FSD2: variants seen among roughly 807,000 people sequenced by gnomAD.
FSD2 encodes the protein fibronectin type III and SPRY domain-containing protein 2.
A neutral mutation model predicts 80.4 loss-of-function variants in FSD2; 71 were observed. The observed-to-expected ratio is 0.88, with a 90% confidence interval of 0.73 to 1.08. The LOEUF is 1.08. Ranked by LOEUF, FSD2 falls within the 50% of genes least tolerant of loss-of-function variation. The probability of loss-of-function intolerance (pLI) is 0.00; values close to 1 mark genes in which losing one functional copy is unlikely to be tolerated. For missense variants in FSD2, 923 were observed against 913.8 expected (o/e 1.01, Z -0.13); for synonymous variants, 361 against 329.5 (o/e 1.10, Z -1.03).
At chr15:82,768,625 G>A (rs1472804652) in intron 9 of FSD2, among the ~76,000 whole-genome samples, 2 of 137,514 alleles carry the variant, frequency 1.5e-5, no homozygotes, top group Non-Finnish European at 3.2e-5. Flanking sequence ...TGAATGAATG[G>A]GAAACCTTAC....
chr15:82,773,914 T>C lies in FSD2; in HGVS notation c.1112-1686A>G, dbSNP rs998307593. 7.0e-4 allele frequency among the ~76,000 whole-genome samples: 107 copies of C among 152,194 alleles called. 2 individuals are homozygous for C. Among genetic ancestry groups the C allele is most frequent in the Non-Finnish European group, 2.1e-4 (14 of 68,030 alleles). On this transcript the variant is annotated intron_variant, in intron 6 of 12. Coordinates refer to ENST00000334574, the MANE Select transcript of FSD2 (RefSeq NM_001007122.4). ...CAGATTTCAAAACAGAATGACTCAA[T>C]TTTTATAACAAAAATACTGTGCAAG... is the stretch of plus-strand genomic sequence containing the variant.
At chr15:82,780,353 T>A in intron 4 of FSD2, 86 bp from the exon 5 acceptor site, 1 of 985,494 alleles carries the variant, frequency 1.0e-6, no homozygotes, top group Non-Finnish European at 1.5e-6. Flanking sequence ...TTTTTTTTCT[T>A]AAATGGAGTC....
At chr15:82,770,414 A>G (rs1026108026) in intron 7 of FSD2, among the ~76,000 whole-genome samples, 4 of 152,188 alleles carry the variant, frequency 2.6e-5, no homozygotes, top group Admixed American at 6.5e-5. Flanking sequence ...GCTCATGCCT[A>G]TAGTCCCAGC....
At chr15:82,769,208 G>A (rs1008805148) in intron 8 of FSD2, among the ~76,000 whole-genome samples, 178 bp from the exon 9 acceptor site, 2 of 152,202 alleles carry the variant, frequency 1.3e-5, no homozygotes, top group African/African-American at 4.8e-5. Context: ...ATGCTTGCAA[G>A]GTTTAAATGT....
In FSD2 at chr15:82,787,309, C is replaced by T; in HGVS notation, c.82G>A (p.Asp28Asn). ...DFHFYHMDLY[D>N]SEDRLHLFPE... ...AAGAGGTGCAGTCTGTCTTCAGAGT[C>T]ATACAGGTCCATGTGGTAAAAGTGG... Residue 28 changes from aspartate (D) to asparagine (N), a missense_variant, in exon 2 of 13, where the codon GAC (aspartate) becomes AAC (asparagine). Coordinates refer to ENST00000334574, the MANE Select transcript of FSD2 (RefSeq NM_001007122.4). The T allele has an allele frequency of 6.2e-7, 1 of 1,613,912 alleles. No homozygotes were observed. Among genetic ancestry groups the T allele is most frequent in the Non-Finnish European group, 8.5e-7 (1 of 1,179,880 alleles).
rs986189790 is a variant in FSD2, at chr15:82,788,639, A to T, written c.-78-1171T>A. ...AGGGGACAGTGAAGTGAGCACTCTC[A>T]TATGCTGCCGGCTAGAATGTAAACT... On this transcript the variant is annotated intron_variant, in intron 1 of 12. Transcript: ENST00000334574. 7.9e-5 allele frequency among the ~76,000 whole-genome samples: 12 copies of T among 152,266 alleles called. No individual in the cohort carries two copies. In the East Asian group the frequency reaches 1.2e-3, roughly 15 times the overall value.
At position 82,759,206 on chromosome 15, in the gene FSD2, G is replaced by A. The variant is rs1345874988; in HGVS notation, c.*142C>T. 6.7e-6 allele frequency: 6 copies of A among 893,660 alleles called. No homozygotes were observed. Among genetic ancestry groups the A allele is most frequent in the South Asian group, 3.6e-5 (2 of 56,104 alleles). 55.4% of individuals were successfully genotyped at this position (893,660 alleles called of 1,614,324 possible). On this transcript the variant is annotated 3_prime_UTR_variant, in exon 13 of 13. Transcript: ENST00000334574. Reference sequence around the variant, plus strand: ...AGAATCCAGGTTGGGTGAAATGAGCGCTAGCACACCAGTCAGATAATAGCA... The same window carrying A: ...AGAATCCAGGTTGGGTGAAATGAGCACTAGCACACCAGTCAGATAATAGCA...
chr15:82,793,410 A>C (rs2050194681), intron 1 of FSD2, among the ~76,000 whole-genome samples: 1 of 152,132 alleles, frequency 6.6e-6, no homozygotes, highest in South Asian at 2.1e-4. Flanking sequence ...TGTATTAGTA[A>C]CTTATACATG....
intron 5 of FSD2, 51 bp from the exon 6 acceptor site, chr15:82,778,938 G>A: frequency 1.2e-6 from 2 of 1,603,792 alleles, no homozygotes; most frequent in Non-Finnish European, 1.7e-6. Context: ...ATTCTCCTTA[G>A]GGTATATATA....
rs769100234 is a variant in FSD2, at chr15:82,768,933, C to T, written c.1500G>A (p.Ser500=). 4.7e-5 allele frequency: 75 copies of T among 1,606,404 alleles called. No homozygotes were observed. In the Middle Eastern group the frequency reaches 2.5e-3, roughly 53 times the overall value. The part of the protein sequence containing the change: ...WESGNLNPVD[S]YTVELTQAES... ...CAGCCTGGGTCAGCTCCACAGTGTACGAGTCCACAGGATTCAGGTTCCCAG... is the reference window on the plus strand; with the variant it reads ...CAGCCTGGGTCAGCTCCACAGTGTATGAGTCCACAGGATTCAGGTTCCCAG... Residue 500 remains serine, a synonymous_variant, in exon 9 of 13, where the codon TCG becomes TCA. Transcript: ENST00000334574.
intron 9 of FSD2, among the ~76,000 whole-genome samples, chr15:82,767,336 C>T (rs1171047496): frequency 6.6e-6 from 1 of 152,130 alleles, no homozygotes; most frequent in Non-Finnish European, 1.5e-5. Context: ...AGAGGAGTCT[C>T]CTACATAGGA....
Position 82,787,051 on chromosome 15 carries a change from C to G in FSD2, c.340G>C (p.Ala114Pro), listed in dbSNP as rs2050018147. Residue 114 changes from alanine to proline, a missense_variant, in exon 2 of 13, where the codon GCC becomes CCC. Physicochemically the swap from Ala to Pro is conservative, Grantham distance 27. Transcript: ENST00000334574. ...PPYMMKRRDP[A>P]REQRDWRLSG... is the part of the protein sequence containing the mutation. Reference sequence around the variant, plus strand: ...AGTCTCCAGTCTCTCTGCTCCCTGGCTGGGTCTCTCCTCTTCATCATATAA... The same window carrying G: ...AGTCTCCAGTCTCTCTGCTCCCTGGGTGGGTCTCTCCTCTTCATCATATAA... 4.3e-6 allele frequency: 7 copies of G among 1,614,006 alleles called. No homozygotes were observed. The highest frequency in any genetic ancestry group is 5.9e-6 in the Non-Finnish European group (7 of 1,179,904).
At position 82,759,136 on chromosome 15, in the gene FSD2, G is replaced by C. The variant is rs1025743089; in HGVS notation, c.*212C>G. ...GAGCCTTTATTTTACAGCTGGGCCTGGTAATGACTATCCTAGCAGCACACA... is the reference window on the plus strand; with the variant it reads ...GAGCCTTTATTTTACAGCTGGGCCTCGTAATGACTATCCTAGCAGCACACA... On this transcript the variant is annotated 3_prime_UTR_variant, in exon 13 of 13. Transcript: ENST00000334574. 3 of 551,408 alleles carry C rather than the reference G, an allele frequency of 5.4e-6. No individual in the cohort carries two copies. The highest frequency in any genetic ancestry group is 9.5e-6 in the Non-Finnish European group (3 of 315,168). 34.2% of individuals were successfully genotyped at this position (551,408 alleles called of 1,614,324 possible).
intron 4 of FSD2, 73 bp from the exon 5 acceptor site, chr15:82,780,340 T>TC: frequency 8.8e-7 from 1 of 1,141,664 alleles, no homozygotes; most frequent in Non-Finnish European, 1.2e-6. Flanking sequence ...TTTCTTTCTT[T>TC]TTTTTTTTTT....
At chr15:82,766,700 A>G (rs1035436182) in intron 9 of FSD2, among the ~76,000 whole-genome samples, 13 of 149,792 alleles carry the variant, frequency 8.7e-5, no homozygotes, top group African/African-American at 3.2e-4. Context: ...CGAGATCATC[A>G]CGCCACTGCA....
At chr15:82,774,478 T>C (rs1025287964) in intron 6 of FSD2, among the ~76,000 whole-genome samples, 1 of 152,214 alleles carries the variant, frequency 6.6e-6, no homozygotes, top group Non-Finnish European at 1.5e-5. Context: ...ATGATGTCCA[T>C]TTTTACAGAT....
chr15:82,787,001 C>T lies in FSD2; in HGVS notation c.390G>A (p.Glu130=), dbSNP rs374039122. The T allele has an allele frequency of 3.5e-5, 57 of 1,613,898 alleles. No individual in the cohort carries two copies. The highest frequency in any genetic ancestry group is 4.7e-5 in the Non-Finnish European group (55 of 1,179,906). The stretch of plus-strand genomic sequence containing the variant: ...AGCCCCACCCTCCGAAGCCCAGGTC[C>T]TCGGCCTCCGCTGCCTCTCCACTAA... ...WRLSGEAAEA[E]DLGFGGWGSA... Residue 130 remains glutamate, a synonymous_variant, in exon 2 of 13, where the codon GAG becomes GAA. Transcript: ENST00000334574.
chr15:82,773,830 G>A (rs888375468), intron 6 of FSD2, among the ~76,000 whole-genome samples: 2 of 152,180 alleles, frequency 1.3e-5, no homozygotes, highest in Non-Finnish European at 2.9e-5. Context: ...AAGTGATATT[G>A]CAAAAGAATT....
intron 4 of FSD2, among the ~76,000 whole-genome samples, chr15:82,782,065 A>AAATAATAAT (rs71455428): frequency 0.12 from 13,261 of 106,838 alleles, 897 homozygotes; most frequent in African/African-American, 0.16. Flanking sequence ...CTCCATCTCA[A>AAATAATAAT]AATAATAATA....
Sources: gnomAD v4.1 joint callset for allele counts (sites outside exome capture counted in the v4.1 genomes callset) on GRCh38, gnomAD v4.1.1 for gene constraint, MANE v1.5 for transcripts, NCBI Gene and HGNC (gene_info 2026-07-23, HGNC 2026-07-21) for gene names.